CNTNAP5: variants seen among roughly 807,000 people sequenced by gnomAD.
CNTNAP5 encodes the protein contactin associated protein family member 5, also known as contactin-associated protein-like 5.
Under a neutral mutation model 150.2 loss-of-function variants are expected in CNTNAP5, and 72 were observed. The ratio of observed to expected loss-of-function variants is 0.48; its 90% CI spans 0.40 to 0.58. The LOEUF is 0.58. Among genes scored for constraint, CNTNAP5 ranks in the 20% least tolerant of loss-of-function variants. The pLI, the probability that CNTNAP5 is intolerant of heterozygous loss-of-function variation, is 0.00. For missense variants in CNTNAP5, 1,636 were observed against 1,626.2 expected, an observed-to-expected ratio of 1.01 and a Z score of -0.10; for synonymous variants, 672 against 619.8, an observed-to-expected ratio of 1.08 and a Z score of -1.25.
chr2:124,075,850 A>G (rs1682424155), intron 1 of CNTNAP5, among the ~76,000 whole-genome samples: 1 of 152,138 alleles, frequency 6.6e-6, no homozygotes, highest in Non-Finnish European at 1.5e-5. Flanking sequence ...CTAGCAGCAA[A>G]GTTTGTACTT....
At chr2:124,132,474 A>G (rs2104604280) in intron 1 of CNTNAP5, among the ~76,000 whole-genome samples, 1 of 152,276 alleles carries the variant, frequency 6.6e-6, no homozygotes, top group African/African-American at 2.4e-5. Flanking sequence ...TATGCTTCCA[A>G]ATGAGCTATC....
At chr2:124,578,811 A>G (rs1377548002) in intron 11 of CNTNAP5, among the ~76,000 whole-genome samples, 1 of 152,062 alleles carries the variant, frequency 6.6e-6, no homozygotes, top group Non-Finnish European at 1.5e-5. Context: ...ATAAATAAAT[A>G]AATGAGACAA....
intron 12 of CNTNAP5, among the ~76,000 whole-genome samples, chr2:124,636,196 C>T (rs1677964992): frequency 6.6e-6 from 1 of 152,124 alleles, no homozygotes; most frequent in Admixed American, 6.5e-5. Context: ...AATTATTTGA[C>T]TTAGTTGAGT....
intron 3 of CNTNAP5, among the ~76,000 whole-genome samples, chr2:124,306,640 G>A (rs1307807127): frequency 6.6e-6 from 1 of 151,402 alleles, no homozygotes; most frequent in Non-Finnish European, 1.5e-5. Flanking sequence ...GAATGCTATG[G>A]AACAATCTCT....
chr2:124,123,526 G>A (rs533402406), intron 1 of CNTNAP5, among the ~76,000 whole-genome samples: 11 of 152,216 alleles, frequency 7.2e-5, no homozygotes, highest in East Asian at 3.9e-4. Context: ...AGACTTAAAC[G>A]TCCCTGTCTG....
chr2:124,450,926 G>C lies in CNTNAP5; in HGVS notation c.918+3989G>C, dbSNP rs1005323095. The stretch of plus-strand genomic sequence containing the variant: ...TTTTTCTGTAGTCCCAGCTACTTGG[G>C]AGGCTGAGGAGGGAGGATGGCTTGA... On this transcript the variant is annotated intron_variant, in intron 6 of 23. Transcript: ENST00000682447. Among the ~76,000 whole-genome samples, 9 of 149,518 alleles carry C rather than the reference G, an allele frequency of 6.0e-5. No individual in the cohort carries two copies. The Admixed American group carries it at 6.0e-4, about 10-fold the overall frequency.
intron 1 of CNTNAP5, among the ~76,000 whole-genome samples, chr2:124,142,439 C>G (rs1296220049): frequency 1.3e-4 from 20 of 151,800 alleles, no homozygotes; most frequent in East Asian, 7.7e-4. Context: ...AACAAACTAT[C>G]TCTCAGACCA....
intron 3 of CNTNAP5, among the ~76,000 whole-genome samples, chr2:124,326,458 G>T (rs1428473326): frequency 8.5e-5 from 13 of 152,138 alleles, no homozygotes; most frequent in Non-Finnish European, 1.8e-4. Flanking sequence ...TGATTAAAAA[G>T]CCTGTGCTTG....
At chr2:124,612,022 C>A (rs553060317) in intron 12 of CNTNAP5, among the ~76,000 whole-genome samples, 1 of 152,290 alleles carries the variant, frequency 6.6e-6, no homozygotes, top group African/African-American at 2.4e-5. Flanking sequence ...AGGAAGCGGG[C>A]ATAGCCTTCT....
intron 13 of CNTNAP5, among the ~76,000 whole-genome samples, chr2:124,731,102 T>C (rs1249510639): frequency 6.6e-6 from 1 of 152,124 alleles, no homozygotes. Flanking sequence ...CAACTTTCTG[T>C]CTATGCCTTG....
rs115765964 is a variant in CNTNAP5, at chr2:124,729,041, T to C, written c.2078-18188T>C. On this transcript the variant is annotated intron_variant, in intron 13 of 23. Coordinates refer to ENST00000682447, the MANE Select transcript of CNTNAP5 (RefSeq NM_001367498.1). The stretch of plus-strand genomic sequence containing the variant: ...GGATGTAATCAACAAGGGCCTTTCA[T>C]GGAATTATAATCCAAGAACTACTGG... Among the ~76,000 whole-genome samples the C allele has an allele frequency of 9.4e-3, 1,431 of 152,184 alleles. 18 individuals carry two copies. Among genetic ancestry groups the C allele is most frequent in the Middle Eastern group, 0.01 (3 of 294 alleles).
At position 124,716,577 on chromosome 2, in the gene CNTNAP5, GT is replaced by G. The variant is rs200637707; in HGVS notation, c.2078-30651del. ...GTTTTTAAACATTTTGCATTACACT[GT>G]AAACAATATAAGGGCATTGAAAAAC... is the stretch of plus-strand genomic sequence containing the variant. On this transcript the variant is annotated intron_variant, in intron 13 of 23. Coordinates refer to ENST00000682447, the MANE Select transcript of CNTNAP5 (RefSeq NM_001367498.1). Among the ~76,000 whole-genome samples, 1,199 of 151,302 alleles carry G rather than the reference GT, an allele frequency of 7.9e-3. 7 individuals are homozygous for G. The highest frequency in any genetic ancestry group is 0.044 in the Middle Eastern group (13 of 294).
intron 19 of CNTNAP5, among the ~76,000 whole-genome samples, chr2:124,826,946 G>C (rs1254206866): frequency 1.3e-5 from 2 of 151,864 alleles, no homozygotes; most frequent in African/African-American, 4.8e-5. Flanking sequence ...CTTGAGACAG[G>C]GTCTTGTTCT....
chr2:124,706,898 AAGAAGGAGGAGGAGG>A (rs1558743227), intron 13 of CNTNAP5, among the ~76,000 whole-genome samples: 17 of 19,338 alleles, frequency 8.8e-4, no homozygotes, highest in East Asian at 2.4e-3. Flanking sequence ...GAAGAGGAAG[AAGAAGGAGGAGGAGG>A]AGGAGAAGAA....
chr2:124,446,979 T>A, intron 6 of CNTNAP5, 42 bp downstream of exon 6: 1 of 1,574,432 alleles, frequency 6.4e-7, no homozygotes, highest in Non-Finnish European at 8.7e-7. Flanking sequence ...GCCCCTTGCT[T>A]CAATGAACGC....
chr2:124,362,608 A>G (rs954136926), intron 3 of CNTNAP5, among the ~76,000 whole-genome samples: 3 of 152,188 alleles, frequency 2.0e-5, no homozygotes, highest in Non-Finnish European at 2.9e-5. Context: ...AGAAAAAGAA[A>G]ACTGTTATTT....
At chr2:124,252,088 T>C (rs535112760) in intron 3 of CNTNAP5, among the ~76,000 whole-genome samples, 190 of 152,328 alleles carry the variant, frequency 1.2e-3, no homozygotes, top group African/African-American at 4.4e-3. Flanking sequence ...CTTTCATGCC[T>C]GGGCATCCTC....
At chr2:124,457,592 A>G (rs991840173) in intron 6 of CNTNAP5, among the ~76,000 whole-genome samples, 2 of 152,122 alleles carry the variant, frequency 1.3e-5, no homozygotes, top group African/African-American at 4.8e-5. Flanking sequence ...GGATGTGCAG[A>G]TTTGTTACAT....
At chr2:124,518,848 G>C (rs999968833) in intron 8 of CNTNAP5, among the ~76,000 whole-genome samples, 2 of 151,636 alleles carry the variant, frequency 1.3e-5, no homozygotes, top group Non-Finnish European at 2.9e-5. Context: ...AATTACCCTG[G>C]CGTGGTGGCG....
Sources: allele counts gnomAD v4.1 joint callset (sites outside exome capture counted in the v4.1 genomes callset), GRCh38; gene constraint gnomAD v4.1.1; transcripts MANE v1.5; gene names NCBI Gene and HGNC (gene_info 2026-07-23, HGNC 2026-07-21).